Variants in COL15A1 observed in about 807,000 individuals in gnomAD.
COL15A1 encodes the protein collagen alpha-1(XV) chain.
In COL15A1, 111 loss-of-function variants were observed where a neutral mutation model predicts 165.9. That is an observed-to-expected ratio of 0.67 (90% confidence interval 0.57 to 0.78). The LOEUF is 0.78. COL15A1 is among the 30% of genes least tolerant of loss of function. COL15A1 has a pLI of 0.00. For missense variants in COL15A1, 1,745 were observed against 1,789.7 expected (o/e 0.98, Z 0.45); for synonymous variants, 659 against 674.8 (o/e 0.98, Z 0.36).
At position 99,070,118 on chromosome 9, in the gene COL15A1, A is replaced by C; in HGVS notation, c.*232A>C. 4.4e-6 allele frequency: 2 copies of C among 456,690 alleles called. No individual in the cohort carries two copies. Among genetic ancestry groups the C allele is most frequent in the South Asian group, 3.1e-5 (1 of 32,282 alleles). The allele number at this position is 456,690 out of a possible 1,614,324, so 28.3% of individuals were successfully genotyped here. The stretch of plus-strand genomic sequence containing the variant: ...ATATTGGTGCTAGATTCTGCAGGAA[A>C]CCCCAGCAGTGTGAACGCATCCCAA... On this transcript the variant is annotated 3_prime_UTR_variant, in exon 42 of 42. Transcript: ENST00000375001.
At chr9:99,043,960 C>G (rs757265257) in intron 24 of COL15A1, among the ~76,000 whole-genome samples, 1 of 152,190 alleles carries the variant, frequency 6.6e-6, no homozygotes, top group Non-Finnish European at 1.5e-5. Flanking sequence ...CTTTGCCTAA[C>G]TAAGTAAGTG....
intron 2 of COL15A1, among the ~76,000 whole-genome samples, chr9:98,974,831 T>C (rs1034836832): frequency 3.3e-5 from 5 of 152,150 alleles, no homozygotes; most frequent in African/African-American, 7.2e-5. Context: ...TTTAGAGGCG[T>C]GTGTGGGAAT....
At chr9:98,964,149 T>C (rs1837910425) in intron 2 of COL15A1, among the ~76,000 whole-genome samples, 1 of 152,242 alleles carries the variant, frequency 6.6e-6, no homozygotes, top group Non-Finnish European at 1.5e-5. Context: ...TCCTTTGCCC[T>C]GCACCATTCT....
At chr9:98,988,495 C>T (rs1441926765) in intron 4 of COL15A1, among the ~76,000 whole-genome samples, 3 of 152,132 alleles carry the variant, frequency 2.0e-5, no homozygotes, top group Admixed American at 1.3e-4. Flanking sequence ...TTGTTCCCAG[C>T]GCAAGATTCC....
chr9:98,990,514 T>G (rs1481348301), intron 5 of COL15A1, among the ~76,000 whole-genome samples: 1 of 152,254 alleles, frequency 6.6e-6, no homozygotes, highest in Non-Finnish European at 1.5e-5. Context: ...TGTCCCAACC[T>G]GGGGCAGTAG....
chr9:99,013,086 C>T (rs765940634), intron 9 of COL15A1, among the ~76,000 whole-genome samples: 9 of 151,972 alleles, frequency 5.9e-5, no homozygotes, highest in African/African-American at 1.5e-4. Flanking sequence ...GTGCTGGTTG[C>T]GGGTGAGACT....
At chr9:99,063,655 T>C (rs866036546) in intron 39 of COL15A1, among the ~76,000 whole-genome samples, 26 of 152,224 alleles carry the variant, frequency 1.7e-4, no homozygotes, top group African/African-American at 6.0e-4. Context: ...TTTCAGAAAT[T>C]ACCTTGGCTA....
At chr9:99,026,064 C>A in intron 16 of COL15A1, 98 bp downstream of exon 16, 2 of 1,147,960 alleles carry the variant, frequency 1.7e-6, no homozygotes, top group Admixed American at 2.8e-5. Context: ...ATGTGACTGA[C>A]CCCCTGGCCT....
intron 5 of COL15A1, among the ~76,000 whole-genome samples, chr9:98,990,122 A>T (rs1418011425): frequency 1.3e-5 from 2 of 152,210 alleles, no homozygotes; most frequent in East Asian, 1.9e-4. Context: ...AGAGCTGTGG[A>T]TGCAGCAGAA....
chr9:99,063,833 C>T (rs760192654), intron 39 of COL15A1, among the ~76,000 whole-genome samples: 16 of 151,962 alleles, frequency 1.1e-4, no homozygotes, highest in South Asian at 2.1e-4. Flanking sequence ...TTGAATATGG[C>T]GCATTAAAGA....
chr9:98,973,421 G>A (rs1032023747), intron 2 of COL15A1, among the ~76,000 whole-genome samples: 1 of 152,238 alleles, frequency 6.6e-6, no homozygotes, highest in African/African-American at 2.4e-5. Context: ...TTGTGGCCGA[G>A]CCAGGTCTAC....
intron 14 of COL15A1, among the ~76,000 whole-genome samples, chr9:99,024,278 T>G (rs13289518): frequency 1.9e-5 from 2 of 103,656 alleles, no homozygotes; most frequent in Non-Finnish European, 3.7e-5. Context: ...GTTTTTTTTG[T>G]TTTTTTGTTT....
intron 2 of COL15A1, among the ~76,000 whole-genome samples, chr9:98,971,415 C>T (rs969569883): frequency 1.2e-4 from 19 of 152,152 alleles, no homozygotes; most frequent in Non-Finnish European, 2.8e-4. Flanking sequence ...ATTCAAGGCT[C>T]TCAATGCACT....
intron 39 of COL15A1, among the ~76,000 whole-genome samples, chr9:99,065,942 C>T (rs140236914): frequency 9.5e-4 from 144 of 151,812 alleles, no homozygotes; most frequent in African/African-American, 3.3e-3. Context: ...GTCTGAGAGG[C>T]GGGGTAGAAA....
intron 7 of COL15A1, among the ~76,000 whole-genome samples, chr9:99,001,864 C>T (rs1391912315): frequency 6.6e-6 from 1 of 152,070 alleles, no homozygotes; most frequent in Non-Finnish European, 1.5e-5. Context: ...TTTTGTGGTT[C>T]CTGGGAGGTC....
chr9:99,020,402 A>G lies in COL15A1; in HGVS notation c.1661A>G (p.His554Arg), dbSNP rs1449954698. 5 of 1,613,494 alleles carry G rather than the reference A, an allele frequency of 3.1e-6. No individual in the cohort carries two copies. The highest frequency in any genetic ancestry group is 2.2e-5 in the East Asian group (1 of 44,890). ...TTCTTCTTTTAGGCTCAAAGAGAAC[A>G]TGTGGGAATGAAAGGACAGGCTGGG... ...ERWITPAQRE[H>R]VGMKGQAGPK... The change falls in exon 12 of 42, where the codon CAT (histidine) becomes CGT (arginine). Residue 554 changes from histidine (H) to arginine (R), a missense_variant. Transcript: ENST00000375001.
chr9:99,035,004 T>C lies in COL15A1; in HGVS notation c.2080-10T>C, dbSNP rs1285085362. The C allele has an allele frequency of 3.7e-6, 6 of 1,611,836 alleles. No homozygotes were observed. The highest frequency in any genetic ancestry group is 5.1e-6 in the Non-Finnish European group (6 of 1,178,226). ...AGGGCTAGATAATCAGCCTGCCCTCTTTCCTACAGGGTGACCCTGGCAACA... is the reference window on the plus strand; with the variant it reads ...AGGGCTAGATAATCAGCCTGCCCTCCTTCCTACAGGGTGACCCTGGCAACA... On this transcript the variant is annotated splice_polypyrimidine_tract_variant and intron_variant, in intron 17 of 41. Transcript: ENST00000375001.
chr9:99,028,082 C>G (rs904765863), intron 16 of COL15A1, among the ~76,000 whole-genome samples: 1 of 152,148 alleles, frequency 6.6e-6, no homozygotes, highest in Non-Finnish European at 1.5e-5. Context: ...TGCCTTGCAC[C>G]GTTGGATAGA....
chr9:98,944,246 G>C lies in COL15A1; in HGVS notation c.96G>C (p.Ala32=). 2.5e-6 allele frequency: 4 copies of C among 1,613,752 alleles called. No homozygotes were observed. The highest frequency in any genetic ancestry group is 2.5e-6 in the Non-Finnish European group (3 of 1,179,882). ...PLPAVTQTRG[A]TETASQGHLD... Reference sequence around the variant, plus strand: ...CTGCTGTCACCCAGACCCGCGGTGCGACAGGTAAGCAACCCGGTCGGAGGG... The same window carrying C: ...CTGCTGTCACCCAGACCCGCGGTGCCACAGGTAAGCAACCCGGTCGGAGGG... Residue 32 remains alanine, a synonymous_variant, in exon 2 of 42, where the codon GCG becomes GCC. Transcript: ENST00000375001.
Sources: gnomAD v4.1 joint callset for allele counts (sites outside exome capture counted in the v4.1 genomes callset) on GRCh38, gnomAD v4.1.1 for gene constraint, MANE v1.5 for transcripts, NCBI Gene and HGNC (gene_info 2026-07-23, HGNC 2026-07-21) for gene names.